KANK4: variants seen among roughly 807,000 people sequenced by gnomAD.
KANK4 encodes the protein KN motif and ankyrin repeat domain-containing protein 4.
Under a neutral mutation model 80.8 loss-of-function variants are expected in KANK4, and 50 were observed. The observed-to-expected ratio is 0.62, with a 90% CI of 0.49 to 0.78. The LOEUF (loss-of-function observed/expected upper bound fraction) is 0.78, where lower values mean the gene tolerates loss of function less well. KANK4 is among the 30% of genes least tolerant of loss of function. KANK4 has a pLI of 0.00. For missense variants in KANK4, 1,196 were observed against 1,240.1 expected (o/e 0.96, Z 0.53); for synonymous variants, 465 against 506.9 (o/e 0.92, Z 1.11).
chr1:62,245,116 C>A (rs1338071839), intron 9 of KANK4, among the ~76,000 whole-genome samples: 3 of 152,246 alleles, frequency 2.0e-5, no homozygotes, highest in African/African-American at 7.2e-5. Flanking sequence ...AGTGGCTACT[C>A]CTTAGAGGGC....
intron 1 of KANK4, among the ~76,000 whole-genome samples, chr1:62,298,450 C>A (rs1644385376): frequency 6.6e-6 from 1 of 152,158 alleles, no homozygotes; most frequent in Non-Finnish European, 1.5e-5. Flanking sequence ...GGAGTGGGGC[C>A]TCATAGTTGG....
Position 62,247,651 on chromosome 1 carries a change from G to A in KANK4, c.2704C>T (p.Leu902=). The A allele has an allele frequency of 6.2e-7, 1 of 1,613,796 alleles. No individual in the cohort carries two copies. Among genetic ancestry groups the A allele is most frequent in the Non-Finnish European group, 8.5e-7 (1 of 1,180,030 alleles). Residue 902 remains leucine, a synonymous_variant, in exon 9 of 10, where the codon CTG becomes TTG. Coordinates refer to ENST00000371153, the MANE Select transcript of KANK4 (RefSeq NM_181712.5). ...TCCTCCCTGTCGTGGCTGACTCCCA[G>A]CATCAGCGCAGTCTGGCCTCCCTGC... ...ATQGGQTALM[L]GVSHDREDMV...
intron 7 of KANK4, 46 bp downstream of exon 7, chr1:62,263,046 C>T (rs992067899): frequency 2.1e-6 from 3 of 1,446,252 alleles, no homozygotes; most frequent in East Asian, 4.6e-5. Flanking sequence ...AATTGCCCTG[C>T]TCTTCAAGGA....
In KANK4 at chr1:62,247,304, CT is replaced by C. The variant is rs371644915; in HGVS notation, c.2883+167del. 0.075 allele frequency among the ~76,000 whole-genome samples: 10,139 copies of C among 135,992 alleles called. 675 individuals carry two copies. The highest frequency in any genetic ancestry group is 0.19 in the African/African-American group (7,117 of 37,736). The allele number at this position is 135,992 out of a possible 152,430, so 89.2% of individuals were successfully genotyped here. Reference sequence around the variant, plus strand: ...CTGAGGAGGGGAAGTTAAACAGCTACTTTTTTTTTTTTTTTTAAGAGATGGG... The same window carrying C: ...CTGAGGAGGGGAAGTTAAACAGCTACTTTTTTTTTTTTTTTAAGAGATGGG... On this transcript the variant is annotated intron_variant, in intron 9 of 9. Coordinates refer to ENST00000371153, the MANE Select transcript of KANK4 (RefSeq NM_181712.5).
At chr1:62,299,616 A>G (rs1644395142) in intron 1 of KANK4, among the ~76,000 whole-genome samples, 1 of 152,168 alleles carries the variant, frequency 6.6e-6, no homozygotes, top group South Asian at 2.1e-4. Flanking sequence ...AGCAATCAGG[A>G]ATAGAGCCTA....
intron 1 of KANK4, among the ~76,000 whole-genome samples, chr1:62,317,429 T>G (rs1200823755): frequency 6.6e-6 from 1 of 152,176 alleles, no homozygotes; most frequent in African/African-American, 2.4e-5. Flanking sequence ...TATTGGTCTA[T>G]CTCTCTCCTT....
Position 62,269,151 on chromosome 1 carries a change from C to T in KANK4, c.2013-646G>A, listed in dbSNP as rs544094466. 5.9e-5 allele frequency among the ~76,000 whole-genome samples: 9 copies of T among 152,350 alleles called. No individual in the cohort carries two copies. In the South Asian group the frequency reaches 6.2e-4, roughly 11 times the overall value. ...AAAGGAGAGCACAGGCCACTTGACT[C>T]GTGGCCCTCTTTCCTGGTAGTGACG... On this transcript the variant is annotated intron_variant, in intron 4 of 9. Coordinates refer to ENST00000371153, the MANE Select transcript of KANK4 (RefSeq NM_181712.5).
intron 9 of KANK4, among the ~76,000 whole-genome samples, chr1:62,247,066 T>G (rs1332129229): frequency 6.6e-6 from 1 of 150,832 alleles, no homozygotes; most frequent in Non-Finnish European, 1.5e-5. Context: ...AGGCTATTTT[T>G]TTTTTTAAGA....
chr1:62,309,147 C>T (rs920970039), intron 1 of KANK4, among the ~76,000 whole-genome samples: 5 of 152,236 alleles, frequency 3.3e-5, no homozygotes, highest in African/African-American at 1.2e-4. Flanking sequence ...GCCAGCATGG[C>T]TGGGTTCTGG....
intron 2 of KANK4, among the ~76,000 whole-genome samples, chr1:62,281,207 G>A (rs1409651192): frequency 6.6e-6 from 1 of 152,228 alleles, no homozygotes; most frequent in African/African-American, 2.4e-5. Flanking sequence ...CTAACACACA[G>A]AATCTTTTGA....
intron 4 of KANK4, among the ~76,000 whole-genome samples, chr1:62,269,683 A>G (rs1672112702): frequency 6.6e-6 from 1 of 152,184 alleles, no homozygotes; most frequent in Non-Finnish European, 1.5e-5. Flanking sequence ...ATCCTATACC[A>G]AAGTCCCTGC....
At chr1:62,260,442 G>A (rs932326126) in intron 7 of KANK4, among the ~76,000 whole-genome samples, 2 of 151,606 alleles carry the variant, frequency 1.3e-5, no homozygotes, top group Middle Eastern at 6.8e-3. Flanking sequence ...CACCTTATCT[G>A]TTCCTCTTCT....
In KANK4 at chr1:62,273,342, C is replaced by T. The variant is rs74424889; in HGVS notation, c.1762G>A (p.Ala588Thr). ...LEHGYPELAS[A>T]IKQPASKLSS... Reference sequence around the variant, plus strand: ...AGCTTGGAGGCTGGCTGCTTGATGGCGCTGGCCAGCTCCGGGTACCCATGC... The same window carrying T: ...AGCTTGGAGGCTGGCTGCTTGATGGTGCTGGCCAGCTCCGGGTACCCATGC... Residue 588 changes from alanine (A) to threonine (T), a missense_variant, in exon 3 of 10, where the codon GCC (alanine) becomes ACC (threonine). Physicochemically the swap from Ala to Thr is moderately conservative, Grantham distance 58 (BLOSUM62 0). Around this residue, in one of 3 missense-constraint regions of KANK4, gnomAD observed 1,154 missense variants for 1,179.6 expected, o/e 0.98. Coordinates refer to ENST00000371153, the MANE Select transcript of KANK4 (RefSeq NM_181712.5). The T allele has an allele frequency of 2.4e-5, 39 of 1,608,410 alleles. No individual in the cohort carries two copies. The highest frequency in any genetic ancestry group is 1.7e-4 in the Middle Eastern group (1 of 6,034).
At chr1:62,278,424 T>G (rs2149148821) in intron 2 of KANK4, among the ~76,000 whole-genome samples, 1 of 125,674 alleles carries the variant, frequency 8.0e-6, no homozygotes, top group Non-Finnish European at 1.7e-5. Flanking sequence ...TGGAATTTCG[T>G]TCTTGTTGCC....
chr1:62,276,196 T>C (rs79206198), intron 2 of KANK4, among the ~76,000 whole-genome samples: 3,199 of 152,280 alleles, frequency 0.021, 111 homozygotes, highest in African/African-American at 0.075. Flanking sequence ...CCTTCGACTA[T>C]CTGCATCCAT....
rs755176126 is a variant in KANK4, at chr1:62,274,772, G to A, written c.332C>T (p.Pro111Leu). The A allele has an allele frequency of 3.9e-5, 63 of 1,613,970 alleles. No homozygotes were observed. Among genetic ancestry groups the A allele is most frequent in the East Asian group, 1.3e-4 (6 of 44,884 alleles). The change falls in exon 3 of 10, where the codon CCG becomes CTG. Residue 111 changes from proline (P) to leucine (L), a missense_variant. Around this residue, in one of 3 missense-constraint regions of KANK4, gnomAD observed 1,154 missense variants for 1,179.6 expected, o/e 0.98. Transcript: ENST00000371153. Reference sequence around the variant, plus strand: ...TGAGGCCTGGGGGGCATTACCAAGCGGTGGTGACTGGTTTTGCTCCTGTGT... The same window carrying A: ...TGAGGCCTGGGGGGCATTACCAAGCAGTGGTGACTGGTTTTGCTCCTGTGT... ...LGTQEQNQSP[P>L]LGNAPQASTS...
intron 1 of KANK4, among the ~76,000 whole-genome samples, chr1:62,289,370 C>G (rs146658449): frequency 6.6e-6 from 1 of 152,164 alleles, no homozygotes; most frequent in African/African-American, 2.4e-5. Flanking sequence ...AACCATGGTA[C>G]AGCAGACTCT....
chr1:62,245,861 C>G (rs1671452548), intron 9 of KANK4, among the ~76,000 whole-genome samples: 1 of 152,082 alleles, frequency 6.6e-6, no homozygotes, highest in African/African-American at 2.4e-5. Context: ...TTCACTCATT[C>G]ATTTGTTGAT....
chr1:62,295,949 GAC>G (rs2149163381), intron 1 of KANK4, among the ~76,000 whole-genome samples: 1 of 69,916 alleles, frequency 1.4e-5, no homozygotes, highest in African/African-American at 1.5e-4. Context: ...ATTAAGTATT[GAC>G]TCTGTCCTGG....
Sources: gnomAD v4.1 joint callset for allele counts (sites outside exome capture counted in the v4.1 genomes callset) on GRCh38, gnomAD v4.1.1 for gene constraint, gnomAD v4.1.1 regional missense constraint, MANE v1.5 for transcripts, NCBI Gene and HGNC (gene_info 2026-07-23, HGNC 2026-07-21) for gene names.